CERS6: variants seen among roughly 807,000 people sequenced by gnomAD.
CERS6 encodes ceramide synthase 6.
Under a neutral mutation model 56.8 loss-of-function variants are expected in CERS6, and 26 were observed. The observed-to-expected ratio is 0.46, with a 90% CI of 0.34 to 0.63. The LOEUF is 0.63. Ranked by LOEUF, CERS6 falls within the 30% of genes least tolerant of loss-of-function variation. The pLI, the probability that CERS6 is intolerant of heterozygous loss-of-function variation, is 0.01. For missense variants in CERS6, 415 were observed against 467.5 expected (o/e 0.89, Z 1.04); for synonymous variants, 164 against 173.3 (o/e 0.95, Z 0.42).
At chr2:168,588,610 A>G (rs745460374) in intron 3 of CERS6, among the ~76,000 whole-genome samples, 2 of 152,162 alleles carry the variant, frequency 1.3e-5, no homozygotes, top group Non-Finnish European at 1.5e-5. Context: ...TGAATATTCC[A>G]TTGTATGTAT....
At chr2:168,599,885 A>T (rs1683891129) in intron 3 of CERS6, among the ~76,000 whole-genome samples, 1 of 152,226 alleles carries the variant, frequency 6.6e-6, no homozygotes, top group Admixed American at 6.5e-5. Flanking sequence ...GGAGGTTGAT[A>T]CACTAGTAGT....
At chr2:168,660,374 GT>G (rs1241022105) in intron 4 of CERS6, among the ~76,000 whole-genome samples, 1 of 152,160 alleles carries the variant, frequency 6.6e-6, no homozygotes, top group East Asian at 1.9e-4. Flanking sequence ...ATGAGGCATT[GT>G]TTTTTCCTGC....
chr2:168,551,723 A>G lies in CERS6; in HGVS notation c.276+4022A>G, dbSNP rs572649271. Among the ~76,000 whole-genome samples, 8 of 152,326 alleles carry G rather than the reference A, an allele frequency of 5.3e-5. No individual in the cohort carries two copies. The South Asian group carries it at 8.3e-4, about 16-fold the overall frequency. On this transcript the variant is annotated intron_variant, in intron 2 of 9. Transcript: ENST00000305747. ...ATGTAGAGTGTTACGTCATGTTTCT[A>G]TAGATTCTCCTCAACTGTATTGGAA...
At chr2:168,649,374 T>A (rs994723498) in intron 4 of CERS6, among the ~76,000 whole-genome samples, 1 of 152,146 alleles carries the variant, frequency 6.6e-6, no homozygotes, top group African/African-American at 2.4e-5. Context: ...GTAAAAATAC[T>A]CCATCTCAGC....
intron 1 of CERS6, among the ~76,000 whole-genome samples, chr2:168,509,353 A>G (rs1013049129): frequency 6.6e-6 from 1 of 152,232 alleles, no homozygotes; most frequent in African/African-American, 2.4e-5. Context: ...AGTTAATGCC[A>G]TTAAGACAAC....
rs767446713 is a variant in CERS6 at position 168,717,985 on chromosome 2, A to G, written c.845+7A>G. On this transcript the variant is annotated splice_region_variant and intron_variant, in intron 8 of 9. Coordinates refer to ENST00000305747, the MANE Select transcript of CERS6 (RefSeq NM_203463.3). ...TGGGTATATTTCCTCTCTGGTGAGT[A>G]TGCCAGTCTCCTTCCTGATAGAGCC... 1.3e-6 allele frequency: 2 copies of G among 1,589,464 alleles called. No individual in the cohort carries two copies. Among genetic ancestry groups the G allele is most frequent in the South Asian group, 2.2e-5 (2 of 89,270 alleles).
chr2:168,556,085 C>T (rs1695674174), intron 2 of CERS6, among the ~76,000 whole-genome samples: 1 of 152,024 alleles, frequency 6.6e-6, no homozygotes, highest in African/African-American at 2.4e-5. Flanking sequence ...AAAATTCTAA[C>T]ATACTCTTAA....
chr2:168,702,113 A>G (rs1686820112), intron 6 of CERS6, among the ~76,000 whole-genome samples: 1 of 152,136 alleles, frequency 6.6e-6, no homozygotes, highest in Non-Finnish European at 1.5e-5. Flanking sequence ...CATTTTTTAA[A>G]AAGTTTTCAA....
intron 3 of CERS6, among the ~76,000 whole-genome samples, chr2:168,625,125 TTTTTA>T (rs1684561676): frequency 6.6e-6 from 1 of 152,222 alleles, no homozygotes; most frequent in South Asian, 2.1e-4. Context: ...TTAGTTAATC[TTTTTA>T]TTTAGATGAT....
chr2:168,629,667 G>A (rs1574111840), intron 3 of CERS6, among the ~76,000 whole-genome samples: 2 of 152,278 alleles, frequency 1.3e-5, no homozygotes, highest in South Asian at 2.1e-4. Flanking sequence ...GAAGTCTTAT[G>A]TGACTGCCTA....
intron 1 of CERS6, among the ~76,000 whole-genome samples, chr2:168,530,517 G>GT (rs888589466): frequency 5.9e-5 from 9 of 152,084 alleles, no homozygotes; most frequent in Admixed American, 1.3e-4. Context: ...ACAATTTGAT[G>GT]TTTTTTTATA....
At chr2:168,579,566 C>T (rs113130255) in intron 3 of CERS6, among the ~76,000 whole-genome samples, 10 of 152,240 alleles carry the variant, frequency 6.6e-5, no homozygotes, top group African/African-American at 2.2e-4. Context: ...TTTTCTTCTA[C>T]GTTTGATTCT....
At chr2:168,540,019 T>C (rs187599196) in intron 1 of CERS6, among the ~76,000 whole-genome samples, 20 of 152,368 alleles carry the variant, frequency 1.3e-4, no homozygotes, top group Non-Finnish European at 2.6e-4. Context: ...TCTGGTTGTG[T>C]TGCCTTTCAA....
At chr2:168,723,899 A>G (rs1468187478) in intron 8 of CERS6, among the ~76,000 whole-genome samples, 1 of 152,254 alleles carries the variant, frequency 6.6e-6, no homozygotes, top group African/African-American at 2.4e-5. Flanking sequence ...GAGCAAACAT[A>G]TGAATAGGTT....
intron 3 of CERS6, among the ~76,000 whole-genome samples, chr2:168,571,487 G>C (rs189931773): frequency 1.3e-5 from 2 of 152,234 alleles, no homozygotes; most frequent in East Asian, 3.9e-4. Context: ...TTTGGACTAA[G>C]TAACAGGGTA....
intron 4 of CERS6, among the ~76,000 whole-genome samples, chr2:168,645,187 A>T (rs1442377318): frequency 9.5e-5 from 9 of 95,180 alleles, no homozygotes; most frequent in East Asian, 3.0e-4. Context: ...AGAGAGAGAG[A>T]GAGTAACTTC....
intron 1 of CERS6, among the ~76,000 whole-genome samples, chr2:168,528,214 C>T (rs367845276): frequency 6.6e-5 from 10 of 152,304 alleles, no homozygotes; most frequent in East Asian, 3.9e-4. Context: ...AAGGTAGTTT[C>T]ACTGCCCTAA....
intron 1 of CERS6, among the ~76,000 whole-genome samples, chr2:168,506,810 A>G (rs966052634): frequency 6.6e-6 from 1 of 152,150 alleles, no homozygotes; most frequent in Non-Finnish European, 1.5e-5. Flanking sequence ...CATATTATTA[A>G]ATGTTCGTGG....
intron 2 of CERS6, among the ~76,000 whole-genome samples, chr2:168,557,675 A>G (rs1443945109): frequency 1.3e-5 from 2 of 152,188 alleles, no homozygotes; most frequent in Non-Finnish European, 2.9e-5. Context: ...AAAACCCTAC[A>G]TTTATTAAAA....
Sources: allele counts gnomAD v4.1 joint callset (sites outside exome capture counted in the v4.1 genomes callset), GRCh38; gene constraint gnomAD v4.1.1; transcripts MANE v1.5; gene names NCBI Gene and HGNC (gene_info 2026-07-23, HGNC 2026-07-21).